Variants in WTIP observed in about 807,000 individuals in gnomAD.
WTIP encodes Wilms tumor protein 1-interacting protein.
Under a neutral mutation model 41.7 loss-of-function variants are expected in WTIP, and 23 were observed. The observed-to-expected ratio is 0.55, with a 90% CI of 0.40 to 0.78. The LOEUF is 0.78. Among genes scored for constraint, WTIP ranks in the 30% least tolerant of loss-of-function variants. WTIP has a pLI of 0.00. For missense variants in WTIP, 619 were observed against 610.5 expected (o/e 1.01, Z -0.15); for synonymous variants, 314 against 269.9 (o/e 1.16, Z -1.60).
intron 5 of WTIP, among the ~76,000 whole-genome samples, chr19:34,494,080 T>C (rs975534479): frequency 1.3e-5 from 2 of 152,164 alleles, no homozygotes; most frequent in African/African-American, 4.8e-5. Flanking sequence ...TCCGTGGGAT[T>C]GGAGTCCTGG....
At position 34,506,305 on chromosome 19, in the gene WTIP, T is replaced by G. The variant is rs1599973186; in HGVS notation, c.*6036T>G. The G allele has an allele frequency of 6.6e-6, 1 of 152,140 alleles. No individual in the cohort carries two copies. Among genetic ancestry groups the G allele is most frequent in the Non-Finnish European group, 1.5e-5 (1 of 68,030 alleles). The allele number at this position is 152,140 out of a possible 1,614,324, so 9.4% of individuals were successfully genotyped here. A position where few individuals can be genotyped will look rare whatever the true frequency, so the allele number is the denominator to read the frequency against. Reference sequence around the variant, plus strand: ...GTCCTTCCACAGTGTGCACTGAGGGTGCAGGCCAAACCTTTTAAAGAATAA... The same window carrying G: ...GTCCTTCCACAGTGTGCACTGAGGGGGCAGGCCAAACCTTTTAAAGAATAA... On this transcript the variant is annotated 3_prime_UTR_variant, in exon 8 of 8. Transcript: ENST00000590071.
Position 34,493,363 on chromosome 19 carries a change from G to A in WTIP, c.900+38G>A, listed in dbSNP as rs2075835635. ...CCCAGCCTCCTGGAGCCCCTCTGAC[G>A]TGGGTGGAGTCTGAGGACTCTACCG... On this transcript the variant is annotated intron_variant, in intron 4 of 7. Transcript: ENST00000590071. This position sits in a 1 kb window ranked among gnomAD's most constrained non-coding sequence, Gnocchi z 4.1. 23 of 1,602,544 alleles carry A rather than the reference G, an allele frequency of 1.4e-5. No individual in the cohort carries two copies. Among genetic ancestry groups the A allele is most frequent in the South Asian group, 4.5e-5 (4 of 89,588 alleles).
chr19:34,499,526 AAAC>A (rs2075873086), intron 7 of WTIP, among the ~76,000 whole-genome samples: 1 of 152,044 alleles, frequency 6.6e-6, no homozygotes, highest in Non-Finnish European at 1.5e-5. Context: ...ACAAACGAAT[AAAC>A]AAAAAACACC....
chr19:34,499,985 G>GC (rs1433202262), intron 7 of WTIP, 144 bp from the exon 8 acceptor site: 3 of 1,221,902 alleles, frequency 2.5e-6, no homozygotes, highest in Non-Finnish European at 3.3e-6. Flanking sequence ...ACAGGTGTGA[G>GC]CCCCTGCGCC....
rs1363412687 is a variant in WTIP, at chr19:34,504,465, C to T, written c.*4196C>T. On this transcript the variant is annotated 3_prime_UTR_variant, in exon 8 of 8. Transcript: ENST00000590071. ...TCGCCCTGATGGCCTCTTGGAGGGT[C>T]CTGGGGTGGGTGGGTCTTGGGCATG... 1 of 151,912 alleles carries T rather than the reference C, an allele frequency of 6.6e-6. No individual in the cohort carries two copies. 9.4% of individuals were successfully genotyped at this position (151,912 alleles called of 1,614,324 possible). A position where few individuals can be genotyped will look rare whatever the true frequency, so the allele number is the denominator to read the frequency against.
rs377644628 is a variant in WTIP, at chr19:34,500,137, G to C, written c.1161G>C (p.Gly387=). The C allele has an allele frequency of 2.5e-4, 396 of 1,599,916 alleles. No homozygotes were observed. The highest frequency in any genetic ancestry group is 3.3e-4 in the Non-Finnish European group (384 of 1,179,766). The part of the protein sequence containing the change: ...HVACYHCEDC[G]LQLSGEEGRR... ...GCTGTGTTCTTCCCTAGGACTGCGG[G>C]CTGCAGCTGAGCGGGGAGGAGGGAC... is the stretch of plus-strand genomic sequence containing the variant. The change falls in exon 8 of 8, where the codon GGG becomes GGC. Residue 387 remains glycine (G), a synonymous_variant. Transcript: ENST00000590071.
At chr19:34,495,251 G>C (rs1164877860) in intron 6 of WTIP, among the ~76,000 whole-genome samples, 1 of 152,162 alleles carries the variant, frequency 6.6e-6, no homozygotes, top group African/African-American at 2.4e-5. Context: ...TAAAAAATTA[G>C]CTGGGTGTGG....
rs1226151844 is a variant in WTIP at position 34,502,399 on chromosome 19, G to C, written c.*2130G>C. The stretch of plus-strand genomic sequence containing the variant: ...GCCTCCCCAGTAGCTGAGACTACAG[G>C]TGTGCCCCATGACGCCCAGCTATTT... On this transcript the variant is annotated 3_prime_UTR_variant, in exon 8 of 8. Transcript: ENST00000590071. The C allele has an allele frequency of 1.3e-5, 2 of 149,942 alleles. No homozygotes were observed. Among genetic ancestry groups the C allele is most frequent in the South Asian group, 2.1e-4 (1 of 4,728 alleles). The allele number at this position is 149,942 out of a possible 1,614,324, so 9.3% of individuals were successfully genotyped here.
At chr19:34,482,671 C>G in intron 1 of WTIP, 30 bp downstream of exon 1, 2 of 1,224,718 alleles carry the variant, frequency 1.6e-6, no homozygotes, top group Non-Finnish European at 2.0e-6. Context: ...CAGTTCCCTG[C>G]GCGCATGGCT....
At chr19:34,491,805 C>T (rs957583089) in intron 2 of WTIP, among the ~76,000 whole-genome samples, 5 of 151,846 alleles carry the variant, frequency 3.3e-5, no homozygotes, top group Admixed American at 1.3e-4. Context: ...ACACCACGCC[C>T]GGCTAATTTT....
At chr19:34,487,155 A>G (rs1599953145) in intron 1 of WTIP, among the ~76,000 whole-genome samples, 2 of 130,154 alleles carry the variant, frequency 1.5e-5, no homozygotes, top group Middle Eastern at 5.9e-3. Flanking sequence ...CCCAGGCTGG[A>G]GTGCAGTGGT....
rs542681262 is a variant in WTIP, at chr19:34,495,783, C to T, written c.1152+12C>T. 6 of 1,613,078 alleles carry T rather than the reference C, an allele frequency of 3.7e-6. No homozygotes were observed. Among genetic ancestry groups the T allele is most frequent in the South Asian group, 1.1e-5 (1 of 91,004 alleles). ...GTTACCACTGTGAGGTGAGCCTGGGCCCACAGGAGGCTGGCAGCTGGGGCA... is the reference window on the plus strand; with the variant it reads ...GTTACCACTGTGAGGTGAGCCTGGGTCCACAGGAGGCTGGCAGCTGGGGCA... On this transcript the variant is annotated intron_variant, in intron 7 of 7. Coordinates refer to ENST00000590071, the MANE Select transcript of WTIP (RefSeq NM_001080436.2).
chr19:34,499,830 G>A (rs1341842229), intron 7 of WTIP, among the ~76,000 whole-genome samples: 1 of 152,014 alleles, frequency 6.6e-6, no homozygotes, highest in African/African-American at 2.4e-5. Context: ...CTCCCAAGGA[G>A]CTGGGATTAC....
At chr19:34,495,117 C>T (rs1023111359) in intron 6 of WTIP, among the ~76,000 whole-genome samples, 1 of 152,214 alleles carries the variant, frequency 6.6e-6, no homozygotes, top group African/African-American at 2.4e-5. Context: ...GAAAACAGGC[C>T]GGGCACAGGG....
intron 1 of WTIP, 44 bp from the exon 2 acceptor site, chr19:34,490,332 G>T (rs376675535): frequency 9.4e-6 from 15 of 1,589,058 alleles, no homozygotes; most frequent in African/African-American, 2.7e-5. Context: ...TGTGGCATAG[G>T]CTGTGGCGCT....
Position 34,493,728 on chromosome 19 carries a change from T to C in WTIP, c.1031+106T>C. 6.7e-7 allele frequency: 1 copy of C among 1,500,998 alleles called. No homozygotes were observed. Among genetic ancestry groups the C allele is most frequent in the Non-Finnish European group, 9.1e-7 (1 of 1,102,150 alleles). 93.0% of individuals were successfully genotyped at this position (1,500,998 alleles called of 1,614,324 possible). On this transcript the variant is annotated intron_variant, in intron 5 of 7. Transcript: ENST00000590071. The surrounding 1 kb of genome is among the most constrained non-coding windows in gnomAD (Gnocchi z 4.1). ...CTGACTGCCCTTTGTTCTTGGCCTTTTGCCTTCCGCCTCCCCTTGTACACC... is the reference window on the plus strand; with the variant it reads ...CTGACTGCCCTTTGTTCTTGGCCTTCTGCCTTCCGCCTCCCCTTGTACACC...
In WTIP at chr19:34,495,711, G is replaced by C; in HGVS notation, c.1092G>C (p.Glu364Asp). The C allele has an allele frequency of 6.2e-7, 1 of 1,613,964 alleles. No individual in the cohort carries two copies. Among genetic ancestry groups the C allele is most frequent in the Non-Finnish European group, 8.5e-7 (1 of 1,179,958 alleles). ...ARPILPAQGCETTIRVVSMDR... is the reference protein window; with the variant it reads ...ARPILPAQGCDTTIRVVSMDR... ...TCCTTCTCTTCCTCCAGGGCTGCGA[G>C]ACAACCATCCGTGTGGTGTCCATGG... The change falls in exon 7 of 8, where the codon GAG becomes GAC. Residue 364 changes from glutamate to aspartate, a missense_variant. Physicochemically the swap from Glu to Asp is conservative, Grantham distance 45. Transcript: ENST00000590071.
In WTIP at chr19:34,500,157, A is replaced by G; in HGVS notation, c.1181A>G (p.Glu394Gly). The G allele has an allele frequency of 6.2e-7, 1 of 1,600,452 alleles. No homozygotes were observed. Among genetic ancestry groups the G allele is most frequent in the Non-Finnish European group, 8.5e-7 (1 of 1,179,630 alleles). ...TGCGGGCTGCAGCTGAGCGGGGAGG[A>G]GGGACGCCGTTGCTATCCCCTGGCG... ...EDCGLQLSGEEGRRCYPLAGH... is the reference protein window; with the variant it reads ...EDCGLQLSGEGGRRCYPLAGH... The change falls in exon 8 of 8, where the codon GAG becomes GGG. Residue 394 changes from glutamate (E) to glycine (G), a missense_variant. Glu to Gly is a moderately conservative substitution (Grantham distance 98). Around this residue, in one of 3 missense-constraint regions of WTIP, gnomAD observed 92 missense variants for 82.4 expected, o/e 1.12. Transcript: ENST00000590071.
chr19:34,500,489 C>G lies in WTIP; in HGVS notation c.*220C>G. On this transcript the variant is annotated 3_prime_UTR_variant, in exon 8 of 8. Transcript: ENST00000590071. ...GCCCTGCCTCCCACCCACCCCATCA[C>G]CAGCTTTCCACTTGGAGGCCCCCTG... The G allele has an allele frequency of 1.6e-6, 1 of 620,408 alleles. No homozygotes were observed. Among genetic ancestry groups the G allele is most frequent in the Non-Finnish European group, 2.6e-6 (1 of 385,482 alleles). The allele number at this position is 620,408 out of a possible 1,614,324, so 38.4% of individuals were successfully genotyped here. A position where few individuals can be genotyped will look rare whatever the true frequency, so the allele number is the denominator to read the frequency against.
Sources: allele counts gnomAD v4.1 joint callset (sites outside exome capture counted in the v4.1 genomes callset), GRCh38; gene constraint gnomAD v4.1.1; regional missense constraint gnomAD v4.1.1; non-coding constraint Gnocchi (gnomAD v3.1); transcripts MANE v1.5; gene names NCBI Gene and HGNC (gene_info 2026-07-23, HGNC 2026-07-21).